The following CD302 variants were observed in gnomAD, a reference collection of about 807,000 sequenced individuals.
The protein encoded by CD302 is CD302 molecule.
A neutral mutation model predicts 26.5 loss-of-function variants in CD302; 23 were observed. The ratio of observed to expected loss-of-function variants is 0.87; its 90% CI spans 0.62 to 1.23. The LOEUF (loss-of-function observed/expected upper bound fraction) is 1.23. Among genes scored for constraint, CD302 ranks in the 50% most tolerant of loss-of-function variants. The pLI, the probability that CD302 is intolerant of heterozygous loss-of-function variation, is 0.00. For synonymous variants in CD302, 90 were observed against 99.4 expected (o/e 0.91, Z 0.56); for missense variants, 290 against 275.5 (o/e 1.05, Z -0.37).
Position 159,794,305 on chromosome 2 carries a change from T to TAAAATAAAATAAAATAAAATAATAA in CD302, c.67+3826_67+3827insTTATTATTTTATTTTATTTTATTTT, listed in dbSNP as rs1553795853. On this transcript the variant is annotated intron_variant, in intron 1 of 5. Coordinates refer to ENST00000259053, the MANE Select transcript of CD302 (RefSeq NM_014880.5). ...AATAAAATAAAATAAAATAAAATAA[T>TAAAATAAAATAAAATAAAATAATAA]AAAAAAAAAAACACTAAATAACCCA... Among the ~76,000 whole-genome samples, 69 of 108,400 alleles carry TAAAATAAAATAAAATAAAATAATAA rather than the reference T, an allele frequency of 6.4e-4. 1 individual carries two copies. Among genetic ancestry groups the TAAAATAAAATAAAATAAAATAATAA allele is most frequent in the South Asian group, 2.9e-3 (10 of 3,466 alleles). 71.1% of individuals were successfully genotyped at this position (108,400 alleles called of 152,430 possible).
chr2:159,792,422 CTG>C lies in CD302; in HGVS notation c.67+5708_67+5709del, dbSNP rs3138650. Among the ~76,000 whole-genome samples, 1,446 of 145,258 alleles carry C rather than the reference CTG, an allele frequency of 1.0e-2. 9 individuals are homozygous for C. The highest frequency in any genetic ancestry group is 0.02 in the South Asian group (85 of 4,328). Reference sequence around the variant, plus strand: ...TCTCCAGAGAAACAGAGAACCAACTCTGTGTGTGTGTGTGTGTGTGTGTGTGT... The same window carrying C: ...TCTCCAGAGAAACAGAGAACCAACTCTGTGTGTGTGTGTGTGTGTGTGTGT... On this transcript the variant is annotated intron_variant, in intron 1 of 5. Coordinates refer to ENST00000259053, the MANE Select transcript of CD302 (RefSeq NM_014880.5).
In CD302 at chr2:159,780,136, T is replaced by C. The variant is rs1048187484; in HGVS notation, c.338A>G (p.Asp113Gly). 1.2e-6 allele frequency: 2 copies of C among 1,614,036 alleles called. No homozygotes were observed. The highest frequency in any genetic ancestry group is 1.1e-5 in the South Asian group (1 of 91,026). The change falls in exon 4 of 6, where the codon GAT (aspartate) becomes GGT (glycine). Residue 113 changes from aspartate to glycine, a missense_variant. Physicochemically the swap from Asp to Gly is moderately conservative, Grantham distance 94. Transcript: ENST00000259053. ...KWFDNSNMTF[D>G]KWTDQDDDED... ...ATCATCATCTTGGTCTGTCCACTTA[T>C]CAAATGTCATATTTGAATTATCAAA...
At chr2:159,782,118 A>T (rs905121202) in intron 2 of CD302, among the ~76,000 whole-genome samples, 1 of 152,080 alleles carries the variant, frequency 6.6e-6, no homozygotes, top group Admixed American at 6.5e-5. Flanking sequence ...AATACAAAAA[A>T]TTAGCCAGGT....
At chr2:159,790,587 C>T (rs1196658808) in intron 1 of CD302, among the ~76,000 whole-genome samples, 1 of 152,176 alleles carries the variant, frequency 6.6e-6, no homozygotes, top group East Asian at 1.9e-4. Flanking sequence ...GGCAGAGGCT[C>T]TAAATTGCAA....
chr2:159,769,670 C>T lies in CD302; in HGVS notation c.*2181G>A, dbSNP rs1396453805. The T allele has an allele frequency of 1.3e-5, 2 of 151,702 alleles. No homozygotes were observed. Among genetic ancestry groups the T allele is most frequent in the Non-Finnish European group, 2.9e-5 (2 of 68,018 alleles). 9.4% of individuals were successfully genotyped at this position (151,702 alleles called of 1,614,324 possible). On this transcript the variant is annotated 3_prime_UTR_variant, in exon 6 of 6. Transcript: ENST00000259053. ...TATATATATATATAGCACTTCATTA[C>T]CAGAGGCCTCTTGGCCTGTTGAAAA...
rs1297493286 is a variant in CD302, at chr2:159,772,742, T to C, written c.497-689A>G. ...ATGTGAAAACTTTTCAGAATTATTT[T>C]GACAGATTTTTTATTATTAAATATA... is the stretch of plus-strand genomic sequence containing the variant. On this transcript the variant is annotated intron_variant, in intron 5 of 5. Transcript: ENST00000259053. 2.0e-5 allele frequency among the ~76,000 whole-genome samples: 3 copies of C among 152,220 alleles called. No individual in the cohort carries two copies. The East Asian group carries it at 5.8e-4, about 29-fold the overall frequency.
rs1297354829 is a variant in CD302 at position 159,770,846 on chromosome 2, TTGATAAGTGATACG to T, written c.*991_*1004del. On this transcript the variant is annotated 3_prime_UTR_variant, in exon 6 of 6. Coordinates refer to ENST00000259053, the MANE Select transcript of CD302 (RefSeq NM_014880.5). Reference sequence around the variant, plus strand: ...ATGCATTTCTTAGAACGTATCCCCATTGATAAGTGATACGTGACTAATTTACGTGAAATTTATAC... The same window carrying T: ...ATGCATTTCTTAGAACGTATCCCCATTGACTAATTTACGTGAAATTTATAC... The T allele has an allele frequency of 6.6e-6, 1 of 152,134 alleles. No homozygotes were observed. The highest frequency in any genetic ancestry group is 1.5e-5 in the Non-Finnish European group (1 of 67,964). 9.4% of individuals were successfully genotyped at this position (152,134 alleles called of 1,614,324 possible). A position where few individuals can be genotyped will look rare whatever the true frequency, so the allele number is the denominator to read the frequency against.
intron 2 of CD302, among the ~76,000 whole-genome samples, chr2:159,781,756 C>G (rs903942195): frequency 6.6e-6 from 1 of 152,060 alleles, no homozygotes; most frequent in Non-Finnish European, 1.5e-5. Context: ...TTGGAAATTT[C>G]GTCTTGTTTT....
At chr2:159,783,507 A>G (rs1452464827) in intron 1 of CD302, 38 bp from the exon 2 acceptor site, 1 of 1,497,744 alleles carries the variant, frequency 6.7e-7, no homozygotes, top group South Asian at 1.3e-5. Context: ...AAATAACTTG[A>G]GAAAAAGAAT....
Position 159,783,333 on chromosome 2 carries a change from CAAACAG to C in CD302, c.178+20_178+25del. ...CACTGTTCACTAATTTGTGAAAAAA[CAAACAG>C]AAAAGAATAAGCCTTTTACCATGGT... is the stretch of plus-strand genomic sequence containing the variant. On this transcript the variant is annotated intron_variant, in intron 2 of 5. Coordinates refer to ENST00000259053, the MANE Select transcript of CD302 (RefSeq NM_014880.5). The C allele has an allele frequency of 6.5e-7, 1 of 1,534,394 alleles. No homozygotes were observed. The highest frequency in any genetic ancestry group is 8.7e-7 in the Non-Finnish European group (1 of 1,143,542).
At chr2:159,787,609 GGC>G (rs1708702258) in intron 1 of CD302, among the ~76,000 whole-genome samples, 1 of 151,866 alleles carries the variant, frequency 6.6e-6, no homozygotes, top group South Asian at 2.1e-4. Context: ...TAATTTCATT[GGC>G]TTCCTTTCCT....
intron 2 of CD302, among the ~76,000 whole-genome samples, chr2:159,782,132 G>A (rs10172103): frequency 1.3e-5 from 2 of 152,106 alleles, no homozygotes; most frequent in East Asian, 3.9e-4. Context: ...GCCAGGTGTG[G>A]TGATGCACCC....
intron 1 of CD302, among the ~76,000 whole-genome samples, chr2:159,788,105 C>CAA (rs11314559): frequency 1.4e-4 from 20 of 138,268 alleles, no homozygotes; most frequent in Middle Eastern, 7.5e-3. Context: ...GACTCCGTCT[C>CAA]AAAAAAAAAA....
chr2:159,775,051 A>AAAT (rs1708268752), intron 5 of CD302, among the ~76,000 whole-genome samples: 1 of 152,188 alleles, frequency 6.6e-6, no homozygotes, highest in East Asian at 1.9e-4. Flanking sequence ...CTAAAAATAA[A>AAAT]AATAAAGTGC....
chr2:159,773,077 TC>T (rs1473742098), intron 5 of CD302, among the ~76,000 whole-genome samples: 9 of 152,280 alleles, frequency 5.9e-5, no homozygotes, highest in African/African-American at 2.2e-4. Flanking sequence ...ATGGGGTTCT[TC>T]CATAGTTTTT....
chr2:159,797,224 G>T (rs537198387), intron 1 of CD302, among the ~76,000 whole-genome samples: 2 of 133,022 alleles, frequency 1.5e-5, no homozygotes, highest in South Asian at 2.9e-4. Flanking sequence ...GCAAGGGGTG[G>T]GGGGGGGGAA....
At chr2:159,794,318 A>T (rs1209923274) in intron 1 of CD302, among the ~76,000 whole-genome samples, 2 of 147,650 alleles carry the variant, frequency 1.4e-5, no homozygotes, top group Admixed American at 1.3e-4. Flanking sequence ...AAAAAAAAAC[A>T]CTAAATAACC....
At chr2:159,781,077 TA>T in intron 2 of CD302, 79 bp from the exon 3 acceptor site, 1 of 1,140,266 alleles carries the variant, frequency 8.8e-7, no homozygotes, top group South Asian at 1.5e-5. Flanking sequence ...AAATAATAAA[TA>T]GTTGCTTAAC....
chr2:159,772,000 C>T lies in CD302; in HGVS notation c.550G>A (p.Val184Ile), dbSNP rs532341650. The change falls in exon 6 of 6, where the codon GTT (valine) becomes ATT (isoleucine). Residue 184 changes from valine (V) to isoleucine (I), a missense_variant. By Grantham distance (29) the Val-to-Ile change is conservative (BLOSUM62 3). Coordinates refer to ENST00000259053, the MANE Select transcript of CD302 (RefSeq NM_014880.5). ...LVIASTVILT[V>I]LGAIIWFLYK... is the part of the protein sequence containing the mutation. ...AGGAACCAAATGATTGCTCCCAAAACTGTCAAAATTACCGTGCTAGCAATC... is the reference window on the plus strand; with the variant it reads ...AGGAACCAAATGATTGCTCCCAAAATTGTCAAAATTACCGTGCTAGCAATC... 4.3e-6 allele frequency: 7 copies of T among 1,613,848 alleles called. No homozygotes were observed. Among genetic ancestry groups the T allele is most frequent in the Non-Finnish European group, 4.2e-6 (5 of 1,179,938 alleles).
Sources: allele counts gnomAD v4.1 joint callset (sites outside exome capture counted in the v4.1 genomes callset), GRCh38; gene constraint gnomAD v4.1.1; transcripts MANE v1.5; gene names NCBI Gene and HGNC (gene_info 2026-07-23, HGNC 2026-07-21).